GRIK3: variants seen among roughly 807,000 people sequenced by gnomAD.
GRIK3 encodes glutamate receptor ionotropic, kainate 3.
In GRIK3, 29 loss-of-function variants were observed where a neutral mutation model predicts 102.5. The ratio of observed to expected loss-of-function variants is 0.28; its 90% CI spans 0.21 to 0.39. The LOEUF is 0.39. Ranked by LOEUF, GRIK3 falls within the 10% of genes least tolerant of loss-of-function variation. The pLI is 1.00. For synonymous variants in GRIK3, 511 were observed against 504.9 expected (o/e 1.01, Z -0.16); for missense variants, 908 against 1,252.4 (o/e 0.73, Z 4.15).
intron 8 of GRIK3, among the ~76,000 whole-genome samples, 159 bp downstream of exon 8, chr1:36,853,456 C>T (rs969728533): frequency 5.9e-5 from 9 of 152,132 alleles, no homozygotes; most frequent in African/African-American, 1.9e-4. Context: ...CTCTGATGGG[C>T]CCCCAAGAGC....
chr1:36,968,013 G>A (rs1642097860), intron 1 of GRIK3, among the ~76,000 whole-genome samples: 1 of 152,188 alleles, frequency 6.6e-6, no homozygotes, highest in African/African-American at 2.4e-5. Context: ...TTGCCACTAG[G>A]CCCTCTGTCG....
intron 10 of GRIK3, among the ~76,000 whole-genome samples, chr1:36,830,371 C>G (rs1263649623): frequency 1.3e-5 from 2 of 151,340 alleles, no homozygotes; most frequent in Middle Eastern, 3.4e-3. Flanking sequence ...CCCCCACCCC[C>G]AATTATGTGC....
intron 1 of GRIK3, among the ~76,000 whole-genome samples, chr1:36,927,860 A>C (rs11803562): frequency 2.0e-4 from 31 of 152,016 alleles, no homozygotes; most frequent in Admixed American, 1.2e-3. Flanking sequence ...ATAATTGGAG[A>C]CCCGGAGCCC....
chr1:36,938,389 G>A (rs954121847), intron 1 of GRIK3, among the ~76,000 whole-genome samples: 3 of 152,202 alleles, frequency 2.0e-5, no homozygotes, highest in African/African-American at 7.2e-5. Context: ...AAAGTTGAAT[G>A]ACCACATAGC....
chr1:36,874,484 T>C (rs1400131982), intron 3 of GRIK3, among the ~76,000 whole-genome samples: 1 of 152,174 alleles, frequency 6.6e-6, no homozygotes, highest in Non-Finnish European at 1.5e-5. Flanking sequence ...CTGTGCTTCC[T>C]AATACCAGAC....
At position 36,805,012 on chromosome 1, in the gene GRIK3, A is replaced by G; in HGVS notation, c.2540T>C (p.Leu847Pro). ...CTGCTCTCTCTCTGCTGTTTTGCGGAGCTTGTACACAAACTCGCCCACGGC... is the reference window on the plus strand; with the variant it reads ...CTGCTCTCTCTCTGCTGTTTTGCGGGGCTTGTACACAAACTCGCCCACGGC... ...LVAVGEFVYK[L>P]RKTAEREQRS... The change falls in exon 15 of 16, where the codon CTC (leucine) becomes CCC (proline). Residue 847 changes from leucine to proline, a missense_variant. Transcript: ENST00000373091. 6.2e-7 allele frequency: 1 copy of G among 1,614,122 alleles called. No homozygotes were observed. The highest frequency in any genetic ancestry group is 8.5e-7 in the Non-Finnish European group (1 of 1,180,022).
intron 1 of GRIK3, among the ~76,000 whole-genome samples, chr1:37,010,765 C>T (rs563654011): frequency 4.4e-5 from 6 of 135,558 alleles, no homozygotes; most frequent in East Asian, 4.3e-4. Flanking sequence ...GATGGAGTCT[C>T]GCTCTGTCAC....
At chr1:36,804,836 T>A (rs926057547) in intron 15 of GRIK3, 151 bp downstream of exon 15, 1 of 990,380 alleles carries the variant, frequency 1.0e-6, no homozygotes, top group Non-Finnish European at 1.5e-6. Flanking sequence ...AGGACAGAGG[T>A]AGAGTGGCAG....
chr1:36,825,891 C>T (rs1393389964), intron 10 of GRIK3, 65 bp from the exon 11 acceptor site: 2 of 1,166,756 alleles, frequency 1.7e-6, no homozygotes. Flanking sequence ...GGAGACAGAA[C>T]ACCATTGCTG....
chr1:36,959,639 CTA>C (rs1641975661), intron 1 of GRIK3, among the ~76,000 whole-genome samples: 1 of 132,150 alleles, frequency 7.6e-6, no homozygotes, highest in Non-Finnish European at 1.7e-5. Context: ...CCCTGTGAGC[CTA>C]TGTGTCCCAT....
intron 1 of GRIK3, among the ~76,000 whole-genome samples, chr1:36,989,183 G>A (rs12070070): frequency 0.024 from 3,692 of 152,142 alleles, 157 homozygotes; most frequent in African/African-American, 0.085. Context: ...CCAAGTACAC[G>A]CATCCTCTCT....
At chr1:36,944,201 G>A (rs760905505) in intron 1 of GRIK3, among the ~76,000 whole-genome samples, 1 of 152,246 alleles carries the variant, frequency 6.6e-6, no homozygotes, top group East Asian at 1.9e-4. Context: ...AAAAAGGGGT[G>A]GAGGGAGGAG....
At chr1:36,847,487 T>C (rs891236679) in intron 9 of GRIK3, among the ~76,000 whole-genome samples, 3 of 152,204 alleles carry the variant, frequency 2.0e-5, no homozygotes, top group Admixed American at 6.5e-5. Flanking sequence ...TTTGGTGAAG[T>C]TCAGGGCTCT....
intron 1 of GRIK3, among the ~76,000 whole-genome samples, chr1:36,945,232 A>G (rs1641769337): frequency 6.6e-6 from 1 of 152,256 alleles, no homozygotes; most frequent in South Asian, 2.1e-4. Flanking sequence ...ATTGACTTGT[A>G]TTGTCTCCAG....
At chr1:37,009,074 G>GTAATAATAATAATAATAA (rs67140478) in intron 1 of GRIK3, among the ~76,000 whole-genome samples, 1 of 149,170 alleles carries the variant, frequency 6.7e-6, no homozygotes, top group South Asian at 2.1e-4. Flanking sequence ...AAATGGAGAT[G>GTAATAATAATAATAATAA]TAATAATAAT....
intron 4 of GRIK3, among the ~76,000 whole-genome samples, chr1:36,870,266 G>A (rs1277491232): frequency 1.3e-5 from 2 of 152,054 alleles, no homozygotes; most frequent in African/African-American, 2.4e-5. Context: ...CCAGGCCTGA[G>A]CTGGGAGGTC....
At chr1:36,884,387 C>A (rs1452307454) in intron 2 of GRIK3, among the ~76,000 whole-genome samples, 2 of 152,192 alleles carry the variant, frequency 1.3e-5, no homozygotes, top group South Asian at 4.1e-4. Context: ...AGGCCATGCT[C>A]GGACCTGCAC....
intron 1 of GRIK3, among the ~76,000 whole-genome samples, chr1:36,900,208 C>T (rs146190255): frequency 6.6e-6 from 1 of 152,284 alleles, no homozygotes; most frequent in African/African-American, 2.4e-5. Context: ...TACTCTTAGA[C>T]CACCGTGGAA....
At chr1:36,818,619 A>G (rs1259687957) in intron 12 of GRIK3, among the ~76,000 whole-genome samples, 1 of 152,244 alleles carries the variant, frequency 6.6e-6, no homozygotes, top group African/African-American at 2.4e-5. Flanking sequence ...CATGTGGGAC[A>G]GATTTGCTTT....
Sources: gnomAD v4.1 joint callset for allele counts (sites outside exome capture counted in the v4.1 genomes callset) on GRCh38, gnomAD v4.1.1 for gene constraint, MANE v1.5 for transcripts, NCBI Gene and HGNC (gene_info 2026-07-23, HGNC 2026-07-21) for gene names.